Variants in STBD1 observed in about 807,000 individuals in gnomAD.
STBD1 encodes starch-binding domain-containing protein 1.
STBD1 carries 13 observed loss-of-function variants against 10.5 expected under a neutral mutation model. The observed-to-expected ratio is 1.24, with a 90% confidence interval of 0.81 to 1.97. The LOEUF is 1.97. Ranked by LOEUF, STBD1 falls within the 30% of genes most tolerant of loss-of-function variation. The pLI is 0.00. For synonymous variants in STBD1, 146 were observed against 160.2 expected (o/e 0.91, Z 0.67); for missense variants, 427 against 435.6 (o/e 0.98, Z 0.17).
At position 76,309,309 on chromosome 4, in the gene STBD1, C is replaced by T. The variant is rs775774867; in HGVS notation, c.386C>T (p.Ser129Phe). 1 of 1,614,098 alleles carries T rather than the reference C, an allele frequency of 6.2e-7. No homozygotes were observed. The highest frequency in any genetic ancestry group is 8.5e-7 in the Non-Finnish European group (1 of 1,180,020). The change falls in exon 2 of 2, where the codon TCT (serine) becomes TTT (phenylalanine). Residue 129 changes from serine (S) to phenylalanine (F), a missense_variant. Physicochemically the swap from Ser to Phe is radical, Grantham distance 155. Coordinates refer to ENST00000237642, the MANE Select transcript of STBD1 (RefSeq NM_003943.5). ...CCAGACACAGAAGCTCCAGCTACCT[C>T]TGAGACCAGTAACTCTAGGAGTTAC... is the stretch of plus-strand genomic sequence containing the variant. ...QFPDTEAPAT[S>F]ETSNSRSYSE...
At chr4:76,309,066 C>T (rs1718863724) in intron 1 of STBD1, 78 bp from the exon 2 acceptor site, 4 of 1,509,096 alleles carry the variant, frequency 2.7e-6, no homozygotes, top group South Asian at 2.8e-5. Context: ...CTTTCAGTAA[C>T]TAAATCTATT....
At chr4:76,308,580 C>T (rs1453157014) in intron 1 of STBD1, among the ~76,000 whole-genome samples, 2 of 152,208 alleles carry the variant, frequency 1.3e-5, no homozygotes, top group Admixed American at 1.3e-4. Context: ...CCAGCCCCTT[C>T]CCCCAGTTCT....
In STBD1 at chr4:76,309,299, C is replaced by A; in HGVS notation, c.376C>A (p.Pro126Thr). 1 of 1,614,044 alleles carries A rather than the reference C, an allele frequency of 6.2e-7. No homozygotes were observed. Among genetic ancestry groups the A allele is most frequent in the South Asian group, 1.1e-5 (1 of 91,032 alleles). Residue 126 changes from proline to threonine, a missense_variant, in exon 2 of 2, where the codon CCA becomes ACA. Physicochemically the swap from Pro to Thr is conservative, Grantham distance 38. Coordinates refer to ENST00000237642, the MANE Select transcript of STBD1 (RefSeq NM_003943.5). The part of the protein sequence containing the change: ...PSGQFPDTEA[P>T]ATSETSNSRS... The stretch of plus-strand genomic sequence containing the variant: ...TGGACAGTTTCCAGACACAGAAGCT[C>A]CAGCTACCTCTGAGACCAGTAACTC...
Position 76,306,910 on chromosome 4 carries a change from T to G in STBD1, c.141T>G (p.Ala47=). 6.2e-7 allele frequency: 1 copy of G among 1,612,224 alleles called. No individual in the cohort carries two copies. Among genetic ancestry groups the G allele is most frequent in the Admixed American group, 1.7e-5 (1 of 59,826 alleles). Residue 47 remains alanine (A), a synonymous_variant, in exon 1 of 2, where the codon GCT becomes GCG. Coordinates refer to ENST00000237642, the MANE Select transcript of STBD1 (RefSeq NM_003943.5). ...EQEKDAPLGG[A]AIPGGHQSGS... Reference sequence around the variant, plus strand: ...AGAAAGACGCCCCTCTTGGGGGAGCTGCGATTCCGGGAGGCCATCAGAGTG... The same window carrying G: ...AGAAAGACGCCCCTCTTGGGGGAGCGGCGATTCCGGGAGGCCATCAGAGTG...
Position 76,306,962 on chromosome 4 carries a change from TC to T in STBD1, c.195del (p.Gln67ArgfsTer17). On this transcript the variant is annotated frameshift_variant, in exon 1 of 2. Coordinates refer to ENST00000237642, the MANE Select transcript of STBD1 (RefSeq NM_003943.5). LOFTEE classifies it low-confidence loss of function (END_TRUNC). Reference sequence around the variant, plus strand: ...CAGCAGCGGACTGAGCCCTGGACCTTCCGGGCAGGAGCTGGTCACCAAACCA... The same window carrying T: ...CAGCAGCGGACTGAGCCCTGGACCTTCGGGCAGGAGCTGGTCACCAAACCA... Reference protein sequence around the residue: ...SGSSGLSPGPSGQELVTKPEH... With the variant: ...SGSSGLSPGPXGQELVTKPEH... 1 of 1,604,934 alleles carries T rather than the reference TC, an allele frequency of 6.2e-7. No homozygotes were observed. The highest frequency in any genetic ancestry group is 8.5e-7 in the Non-Finnish European group (1 of 1,176,958).
At position 76,310,113 on chromosome 4, in the gene STBD1, G is replaced by A. The variant is rs770641747; in HGVS notation, c.*113G>A. 66 of 1,405,926 alleles carry A rather than the reference G, an allele frequency of 4.7e-5. No individual in the cohort carries two copies. The highest frequency in any genetic ancestry group is 6.2e-5 in the Non-Finnish European group (65 of 1,047,748). 87.1% of individuals were successfully genotyped at this position (1,405,926 alleles called of 1,614,324 possible). A position where few individuals can be genotyped will look rare whatever the true frequency, so the allele number is the denominator to read the frequency against. On this transcript the variant is annotated 3_prime_UTR_variant, in exon 2 of 2. Coordinates refer to ENST00000237642, the MANE Select transcript of STBD1 (RefSeq NM_003943.5). Reference sequence around the variant, plus strand: ...GACTCCAAATTCAGCCATCTGAATTGTTTAAATTTGCTAGTGGATTTTGTC... The same window carrying A: ...GACTCCAAATTCAGCCATCTGAATTATTTAAATTTGCTAGTGGATTTTGTC...
chr4:76,309,663 TG>T lies in STBD1; in HGVS notation c.741del (p.His248MetfsTer7). ...TTGGTGGAAGCAAGAGGTCAGCAAG[TG>T]CATGGGAAAATGGAAAGGGTAGCAG... is the stretch of plus-strand genomic sequence containing the variant. ...STLVEARGQQ[V>X]HGKMERVAVM... On this transcript the variant is annotated frameshift_variant, in exon 2 of 2. Coordinates refer to ENST00000237642, the MANE Select transcript of STBD1 (RefSeq NM_003943.5). LOFTEE classifies it low-confidence loss of function (END_TRUNC). 6.2e-7 allele frequency: 1 copy of T among 1,614,170 alleles called. No individual in the cohort carries two copies. Among genetic ancestry groups the T allele is most frequent in the Non-Finnish European group, 8.5e-7 (1 of 1,180,018 alleles).
intron 1 of STBD1, among the ~76,000 whole-genome samples, chr4:76,308,422 G>A (rs1281127651): frequency 6.6e-6 from 1 of 152,170 alleles, no homozygotes; most frequent in Non-Finnish European, 1.5e-5. Flanking sequence ...ACTACCAATG[G>A]CATGGCCAAG....
At chr4:76,308,706 T>G (rs1287867877) in intron 1 of STBD1, among the ~76,000 whole-genome samples, 1 of 152,238 alleles carries the variant, frequency 6.6e-6, no homozygotes, top group Non-Finnish European at 1.5e-5. Flanking sequence ...ATGCCTCCCC[T>G]GGGAGAACAA....
chr4:76,309,463 G>C lies in STBD1; in HGVS notation c.540G>C (p.Lys180Asn). 6.2e-7 allele frequency: 1 copy of C among 1,614,242 alleles called. No homozygotes were observed. The highest frequency in any genetic ancestry group is 1.1e-5 in the South Asian group (1 of 91,086). The stretch of plus-strand genomic sequence containing the variant: ...AGTTGCCTTCTAGCAACCTGCTCAA[G>C]AACAGAGCTAAAGAAGAAATGAGCC... ...AEKLPSSNLLKNRAKEEMSLS... is the reference protein window; with the variant it reads ...AEKLPSSNLLNNRAKEEMSLS... The change falls in exon 2 of 2, where the codon AAG becomes AAC. Residue 180 changes from lysine to asparagine, a missense_variant. Lys to Asn is a moderately conservative substitution (Grantham distance 94, BLOSUM62 0). Transcript: ENST00000237642.
At position 76,309,509 on chromosome 4, in the gene STBD1, G is replaced by T. The variant is rs1034206670; in HGVS notation, c.586G>T (p.Asp196Tyr). 4.3e-6 allele frequency: 7 copies of T among 1,614,114 alleles called. No homozygotes were observed. The highest frequency in any genetic ancestry group is 5.9e-6 in the Non-Finnish European group (7 of 1,180,052). Reference protein sequence around the residue: ...EMSLSDLNSQDRVDHEEWEMV... With the variant: ...EMSLSDLNSQYRVDHEEWEMV... ...GAGCCTCTCTGATTTGAACAGTCAG[G>T]ACCGGGTTGACCACGAGGAGTGGGA... Residue 196 changes from aspartate to tyrosine, a missense_variant, in exon 2 of 2, where the codon GAC becomes TAC. Physicochemically the swap from Asp to Tyr is radical, Grantham distance 160. Transcript: ENST00000237642.
At position 76,308,272 on chromosome 4, in the gene STBD1, CA is replaced by C. The variant is rs34078861; in HGVS notation, c.221-854del. On this transcript the variant is annotated intron_variant, in intron 1 of 1. Transcript: ENST00000237642. ...TGGGTGACAGAGCGAGACTCCATCT[CA>C]AAAAAAAAAAAAAAAAAGGGATAAA... Among the ~76,000 whole-genome samples the C allele has an allele frequency of 8.9e-3, 992 of 110,940 alleles. 6 individuals carry two copies. Among genetic ancestry groups the C allele is most frequent in the African/African-American group, 0.032 (883 of 27,934 alleles). The allele number at this position is 110,940 out of a possible 152,430, so 72.8% of individuals were successfully genotyped here. A position where few individuals can be genotyped will look rare whatever the true frequency, so the allele number is the denominator to read the frequency against.
At chr4:76,308,014 C>T (rs1183017272) in intron 1 of STBD1, among the ~76,000 whole-genome samples, 1 of 152,114 alleles carries the variant, frequency 6.6e-6, no homozygotes, top group Non-Finnish European at 1.5e-5. Flanking sequence ...TGTTCATTCT[C>T]ACTTCCAACT....
rs1718879914 is a variant in STBD1 at position 76,309,499 on chromosome 4, GAACA to G, written c.577_580del (p.Asn193ValfsTer33). 11 of 1,614,118 alleles carry G rather than the reference GAACA, an allele frequency of 6.8e-6. No individual in the cohort carries two copies. The East Asian group carries it at 2.5e-4, about 36-fold the overall frequency. On this transcript the variant is annotated frameshift_variant, in exon 2 of 2. Coordinates refer to ENST00000237642, the MANE Select transcript of STBD1 (RefSeq NM_003943.5). LOFTEE classifies it low-confidence loss of function (END_TRUNC). ...AAGAAGAAATGAGCCTCTCTGATTTGAACAGTCAGGACCGGGTTGACCACGAGGA... is the reference window on the plus strand; with the variant it reads ...AAGAAGAAATGAGCCTCTCTGATTTGGTCAGGACCGGGTTGACCACGAGGA...
Position 76,309,724 on chromosome 4 carries a change from G to C in STBD1, c.801G>C (p.Arg267Ser). The change falls in exon 2 of 2, where the codon AGG (arginine) becomes AGC (serine). Residue 267 changes from arginine (R) to serine (S), a missense_variant. Transcript: ENST00000237642. The part of the protein sequence containing the change: ...MPAGSQQVSV[R>S]FQVHYVTSTD... ...CAGGGTCTCAGCAAGTTAGTGTCAG[G>C]TTCCAGGTCCATTATGTCACAAGCA... 6.2e-7 allele frequency: 1 copy of C among 1,614,260 alleles called. No individual in the cohort carries two copies. The highest frequency in any genetic ancestry group is 1.1e-5 in the South Asian group (1 of 91,086).
rs779464417 is a variant in STBD1 at position 76,306,776 on chromosome 4, G to A, written c.7G>A (p.Ala3Thr). 136 of 1,611,014 alleles carry A rather than the reference G, an allele frequency of 8.4e-5. No homozygotes were observed. In the Middle Eastern group the frequency reaches 2.1e-3, roughly 25 times the overall value. The change falls in exon 1 of 2, where the codon GCC becomes ACC. Residue 3 changes from alanine (A) to threonine (T), a missense_variant. Coordinates refer to ENST00000237642, the MANE Select transcript of STBD1 (RefSeq NM_003943.5). The part of the protein sequence containing the change: MG[A>T]VWSALLVGGG... Reference sequence around the variant, plus strand: ...CGGCCGCGGCCTCTCAGCCATGGGCGCCGTCTGGTCCGCCCTGCTGGTTGG... The same window carrying A: ...CGGCCGCGGCCTCTCAGCCATGGGCACCGTCTGGTCCGCCCTGCTGGTTGG...
Position 76,309,676 on chromosome 4 carries a change from G to A in STBD1, c.753G>A (p.Met251Ile). Reference protein sequence around the residue: ...EARGQQVHGKMERVAVMPAGS... With the variant: ...EARGQQVHGKIERVAVMPAGS... The stretch of plus-strand genomic sequence containing the variant: ...GAGGTCAGCAAGTGCATGGGAAAAT[G>A]GAAAGGGTAGCAGTGATGCCTGCAG... Residue 251 changes from methionine (M) to isoleucine (I), a missense_variant, in exon 2 of 2, where the codon ATG becomes ATA. Coordinates refer to ENST00000237642, the MANE Select transcript of STBD1 (RefSeq NM_003943.5). The A allele has an allele frequency of 6.2e-7, 1 of 1,614,232 alleles. No individual in the cohort carries two copies. Among genetic ancestry groups the A allele is most frequent in the Non-Finnish European group, 8.5e-7 (1 of 1,180,036 alleles).
In STBD1 at chr4:76,309,718, T is replaced by C. The variant is rs1464714871; in HGVS notation, c.795T>C (p.Ser265=). 2 of 1,614,218 alleles carry C rather than the reference T, an allele frequency of 1.2e-6. No homozygotes were observed. Among genetic ancestry groups the C allele is most frequent in the Non-Finnish European group, 1.7e-6 (2 of 1,180,044 alleles). ...AVMPAGSQQV[S]VRFQVHYVTS... is the part of the protein sequence containing the mutation. Reference sequence around the variant, plus strand: ...TGCCTGCAGGGTCTCAGCAAGTTAGTGTCAGGTTCCAGGTCCATTATGTCA... The same window carrying C: ...TGCCTGCAGGGTCTCAGCAAGTTAGCGTCAGGTTCCAGGTCCATTATGTCA... Residue 265 remains serine, a synonymous_variant, in exon 2 of 2, where the codon AGT becomes AGC. Transcript: ENST00000237642.
rs767843342 is a variant in STBD1 at position 76,306,820 on chromosome 4, A to C, written c.51A>C (p.Ala17=). Reference sequence around the variant, plus strand: ...TGGTTGGAGGGGGTCTGGCCGGAGCACTTTTCGTTTGGCTGCTGCGGGGCG... The same window carrying C: ...TGGTTGGAGGGGGTCTGGCCGGAGCCCTTTTCGTTTGGCTGCTGCGGGGCG... ...ALLVGGGLAG[A]LFVWLLRGGP... is the part of the protein sequence containing the mutation. Residue 17 remains alanine (A), a synonymous_variant, in exon 1 of 2, where the codon GCA becomes GCC. Transcript: ENST00000237642. 1.9e-5 allele frequency: 31 copies of C among 1,612,052 alleles called. No individual in the cohort carries two copies. In the East Asian group the frequency reaches 6.2e-4, roughly 32 times the overall value.
Sources: gnomAD v4.1 joint callset for allele counts (sites outside exome capture counted in the v4.1 genomes callset) on GRCh38, gnomAD v4.1.1 for gene constraint, MANE v1.5 for transcripts, NCBI Gene and HGNC (gene_info 2026-07-23, HGNC 2026-07-21) for gene names.